Variants in NBEA observed in about 807,000 individuals in gnomAD.
NBEA encodes the protein neurobeachin.
Under a neutral mutation model 343.4 loss-of-function variants are expected in NBEA, and 44 were observed. The ratio of observed to expected loss-of-function variants is 0.13; its 90% CI spans 0.10 to 0.16. The LOEUF is 0.16. NBEA is among the 10% of genes least tolerant of loss of function. NBEA has a pLI of 1.00. For missense variants in NBEA, 2,555 were observed against 3,631.3 expected, an observed-to-expected ratio of 0.70 and a Z score of 7.62; for synonymous variants, 1,175 against 1,238.7, an observed-to-expected ratio of 0.95 and a Z score of 1.08.
At chr13:35,098,231 G>A in intron 10 of NBEA, 66 bp from the exon 11 acceptor site, 2 of 1,114,324 alleles carry the variant, frequency 1.8e-6, no homozygotes, top group South Asian at 1.4e-5. Context: ...ATAAAATACT[G>A]AAGTGGGACA....
At chr13:35,348,438 G>A (rs1262269822) in intron 36 of NBEA, among the ~76,000 whole-genome samples, 1 of 152,000 alleles carries the variant, frequency 6.6e-6, no homozygotes, top group Non-Finnish European at 1.5e-5. Flanking sequence ...ATAGTGAGAG[G>A]CTTTTCACTG....
chr13:35,419,941 A>G (rs990881700), intron 38 of NBEA, among the ~76,000 whole-genome samples: 1 of 152,098 alleles, frequency 6.6e-6, no homozygotes, highest in Non-Finnish European at 1.5e-5. Flanking sequence ...GCTAGTATAT[A>G]GAAATACAAT....
At chr13:35,267,323 A>G (rs1309531326) in intron 34 of NBEA, among the ~76,000 whole-genome samples, 1 of 152,010 alleles carries the variant, frequency 6.6e-6, no homozygotes, top group Non-Finnish European at 1.5e-5. Context: ...AGCTAGATTT[A>G]GTCTTTCCAC....
chr13:35,638,144 C>T (rs1345851656), intron 49 of NBEA, among the ~76,000 whole-genome samples: 1 of 151,970 alleles, frequency 6.6e-6, no homozygotes, highest in African/African-American at 2.4e-5. Context: ...ATAAATATAG[C>T]GTTTTAGTTT....
chr13:35,363,344 T>C (rs1327901962), intron 38 of NBEA, among the ~76,000 whole-genome samples: 1 of 151,920 alleles, frequency 6.6e-6, no homozygotes, highest in Non-Finnish European at 1.5e-5. Flanking sequence ...GTTTCTATAC[T>C]AAGGCAAGGA....
chr13:35,373,802 T>A (rs1476841246), intron 38 of NBEA, among the ~76,000 whole-genome samples: 2 of 152,016 alleles, frequency 1.3e-5, no homozygotes, highest in Non-Finnish European at 2.9e-5. Flanking sequence ...AGGTCTTAAT[T>A]TGTATCATCT....
At chr13:35,164,286 T>G in intron 23 of NBEA, 70 bp from the exon 24 acceptor site, 1 of 1,343,788 alleles carries the variant, frequency 7.4e-7, no homozygotes, top group Non-Finnish European at 1.0e-6. Context: ...TTTTCACTTG[T>G]TATTCTAATT....
chr13:35,527,955 C>T (rs997498473), intron 41 of NBEA, among the ~76,000 whole-genome samples: 1 of 152,160 alleles, frequency 6.6e-6, no homozygotes, highest in South Asian at 2.1e-4. Flanking sequence ...TGAGATCATG[C>T]CATTGCTCTC....
chr13:35,337,351 T>C (rs1243657713), intron 36 of NBEA, among the ~76,000 whole-genome samples: 1 of 152,068 alleles, frequency 6.6e-6, no homozygotes, highest in African/African-American at 2.4e-5. Context: ...AAAGAACGGA[T>C]GACTATGCTA....
chr13:35,010,233 C>T (rs1448030934), intron 1 of NBEA, among the ~76,000 whole-genome samples: 1 of 151,972 alleles, frequency 6.6e-6, no homozygotes, highest in Non-Finnish European at 1.5e-5. Flanking sequence ...AGAAGAGATG[C>T]AAGTACTGAA....
In NBEA at chr13:35,651,786, C is replaced by T; in HGVS notation, c.7964-19C>T. 3 of 1,448,624 alleles carry T rather than the reference C, an allele frequency of 2.1e-6. No homozygotes were observed. The South Asian group carries it at 3.7e-5, about 18-fold the overall frequency. 89.7% of individuals were successfully genotyped at this position (1,448,624 alleles called of 1,614,324 possible). On this transcript the variant is annotated intron_variant, in intron 52 of 58. Coordinates refer to ENST00000379939, the MANE Select transcript of NBEA (RefSeq NM_001385012.1). ...CTGAGAATTTTATGTTAGTTTTTCTCTCTTTTTTTAATCTTTAGGCCTCAG... is the reference window on the plus strand; with the variant it reads ...CTGAGAATTTTATGTTAGTTTTTCTTTCTTTTTTTAATCTTTAGGCCTCAG...
intron 17 of NBEA, among the ~76,000 whole-genome samples, chr13:35,138,143 C>G (rs926570160): frequency 8.6e-5 from 13 of 151,950 alleles, no homozygotes; most frequent in Non-Finnish European, 1.3e-4. Flanking sequence ...CAATTCTTGT[C>G]AATGAAAATA....
chr13:35,451,324 C>T (rs1326926903), intron 39 of NBEA, among the ~76,000 whole-genome samples: 1 of 152,110 alleles, frequency 6.6e-6, no homozygotes, highest in Non-Finnish European at 1.5e-5. Flanking sequence ...GGGGTTTCAC[C>T]GTGTTAACCA....
chr13:35,293,366 T>A (rs1462881307), intron 35 of NBEA, among the ~76,000 whole-genome samples: 1 of 152,056 alleles, frequency 6.6e-6, no homozygotes, highest in African/African-American at 2.4e-5. Flanking sequence ...GACTGTATTC[T>A]GGATTTTTTT....
chr13:35,022,768 T>C (rs945350662), intron 1 of NBEA, among the ~76,000 whole-genome samples: 3 of 152,144 alleles, frequency 2.0e-5, no homozygotes, highest in Non-Finnish European at 4.4e-5. Context: ...TTATTTAATG[T>C]ATGCCAACCT....
At chr13:35,259,528 T>G (rs1292767196) in intron 34 of NBEA, among the ~76,000 whole-genome samples, 1 of 152,162 alleles carries the variant, frequency 6.6e-6, no homozygotes, top group African/African-American at 2.4e-5. Context: ...ATTTCAAGTT[T>G]TTGTAAATGA....
At chr13:35,612,941 CAATT>C (rs979754288) in intron 48 of NBEA, among the ~76,000 whole-genome samples, 5 of 151,932 alleles carry the variant, frequency 3.3e-5, no homozygotes, top group Non-Finnish European at 7.4e-5. Flanking sequence ...TTTTAATTGA[CAATT>C]AATAATTGTT....
At chr13:35,172,311 A>G (rs1406950959) in intron 26 of NBEA, among the ~76,000 whole-genome samples, 1 of 151,980 alleles carries the variant, frequency 6.6e-6, no homozygotes, top group Non-Finnish European at 1.5e-5. Flanking sequence ...GAGAGGAATC[A>G]TTTTGTATTC....
At chr13:35,023,531 A>G (rs1327903140) in intron 1 of NBEA, among the ~76,000 whole-genome samples, 1 of 152,204 alleles carries the variant, frequency 6.6e-6, no homozygotes, top group Non-Finnish European at 1.5e-5. Context: ...ATTAATTTTG[A>G]AAAGAAATGT....
Sources: gnomAD v4.1 joint callset for allele counts (sites outside exome capture counted in the v4.1 genomes callset) on GRCh38, gnomAD v4.1.1 for gene constraint, MANE v1.5 for transcripts, NCBI Gene and HGNC (gene_info 2026-07-23, HGNC 2026-07-21) for gene names.